Variants in RASA1 observed in about 807,000 individuals in gnomAD.
The protein encoded by RASA1 is ras GTPase-activating protein 1.
A neutral mutation model predicts 132.2 loss-of-function variants in RASA1; 25 were observed. The observed-to-expected ratio is 0.19, with a 90% CI of 0.14 to 0.26. The LOEUF (loss-of-function observed/expected upper bound fraction) is 0.26, where lower values mean the gene tolerates loss of function less well. RASA1 is among the 10% of genes least tolerant of loss of function. The probability of loss-of-function intolerance (pLI) is 1.00; values close to 1 mark genes in which losing one functional copy is unlikely to be tolerated. For missense variants in RASA1, 964 were observed against 1,299.2 expected (o/e 0.74, Z 3.97); for synonymous variants, 477 against 449.9 (o/e 1.06, Z -0.76).
Position 87,376,381 on chromosome 5 carries a change from T to C in RASA1, c.2012-12T>C. On this transcript the variant is annotated splice_polypyrimidine_tract_variant and intron_variant, in intron 15 of 24. Transcript: ENST00000274376. ...TCTTTTTAAACAATAATTGCTTGTT[T>C]TTCTTCCCAAGTATTTATGCGCTGC... The C allele has an allele frequency of 6.2e-7, 1 of 1,613,760 alleles. No homozygotes were observed. The highest frequency in any genetic ancestry group is 8.5e-7 in the Non-Finnish European group (1 of 1,179,868).
intron 22 of RASA1, 47 bp from the exon 23 acceptor site, chr5:87,386,779 C>T (rs1762091068): frequency 6.6e-7 from 1 of 1,516,730 alleles, no homozygotes; most frequent in South Asian, 1.1e-5. Context: ...ATAGATCAAA[C>T]AGTGGTTTGT....
At chr5:87,269,070 G>A (rs1473067211) in intron 1 of RASA1, 80 bp downstream of exon 1, 1 of 1,613,902 alleles carries the variant, frequency 6.2e-7, no homozygotes, top group Admixed American at 1.7e-5. Flanking sequence ...ATCATACTTT[G>A]TCCTTTTCAT....
rs139295619 is a variant in RASA1, at chr5:87,269,778, C to G, written c.539+788C>G. On this transcript the variant is annotated intron_variant, in intron 1 of 24. Coordinates refer to ENST00000274376, the MANE Select transcript of RASA1 (RefSeq NM_002890.3). The stretch of plus-strand genomic sequence containing the variant: ...TAAGTTTTACAGTCTGTAAAATATA[C>G]AGGACAATGACTTTTTTAAAATGTA... Among the ~76,000 whole-genome samples the G allele has an allele frequency of 2.6e-5, 4 of 152,206 alleles. No individual in the cohort carries two copies. In the East Asian group the frequency reaches 7.7e-4, roughly 29 times the overall value.
intron 19 of RASA1, 71 bp downstream of exon 19, chr5:87,379,921 G>C: frequency 6.9e-7 from 1 of 1,457,116 alleles, no homozygotes. Flanking sequence ...TTTCTAAAAC[G>C]TGAAAGCTTT....
intron 1 of RASA1, among the ~76,000 whole-genome samples, chr5:87,287,762 G>A (rs865992134): frequency 4.7e-5 from 4 of 84,288 alleles, no homozygotes; most frequent in East Asian, 3.1e-4. Context: ...TTATGTACAC[G>A]CCATAGATAT....
At chr5:87,375,047 T>TCTAA (rs1761228457) in intron 15 of RASA1, 131 bp downstream of exon 15, 2 of 1,221,980 alleles carry the variant, frequency 1.6e-6, no homozygotes, top group African/African-American at 3.1e-5. Context: ...ATAGTTTCTT[T>TCTAA]CTGTACTTCT....
intron 8 of RASA1, among the ~76,000 whole-genome samples, chr5:87,351,176 G>A (rs1359593369): frequency 6.7e-6 from 1 of 149,670 alleles, no homozygotes; most frequent in Non-Finnish European, 1.5e-5. Context: ...TATATTCAGA[G>A]TTTTAAAAAA....
chr5:87,328,086 A>G (rs1432277223), intron 1 of RASA1, among the ~76,000 whole-genome samples: 1 of 152,154 alleles, frequency 6.6e-6, no homozygotes, highest in Non-Finnish European at 1.5e-5. Context: ...ATTTTTCAAC[A>G]TTGTTTTATG....
intron 1 of RASA1, among the ~76,000 whole-genome samples, chr5:87,289,633 C>T (rs1754826460): frequency 1.3e-5 from 2 of 152,036 alleles, no homozygotes; most frequent in Non-Finnish European, 2.9e-5. Flanking sequence ...TTTTTTCAGA[C>T]AAGGTCTTGC....
At chr5:87,287,128 AC>A (rs1158462538) in intron 1 of RASA1, among the ~76,000 whole-genome samples, 1 of 145,414 alleles carries the variant, frequency 6.9e-6, no homozygotes, top group Admixed American at 6.9e-5. Flanking sequence ...ATATATACAC[AC>A]CATATATATA....
chr5:87,374,132 AATAT>A (rs145638178), intron 13 of RASA1, 27 bp from the exon 14 acceptor site: 64 of 1,210,350 alleles, frequency 5.3e-5, no homozygotes, highest in East Asian at 2.7e-4. Flanking sequence ...AATCTGGGGT[AATAT>A]ATATATATAT....
At chr5:87,364,261 CTTCT>C (rs1425835399) in intron 11 of RASA1, among the ~76,000 whole-genome samples, 4 of 152,210 alleles carry the variant, frequency 2.6e-5, no homozygotes, top group Admixed American at 6.5e-5. Context: ...AAATATTTCT[CTTCT>C]TTAAGAGAAA....
intron 7 of RASA1, among the ~76,000 whole-genome samples, chr5:87,348,243 A>G (rs1759004009): frequency 6.6e-6 from 1 of 152,064 alleles, no homozygotes; most frequent in African/African-American, 2.4e-5. Context: ...TTTACTGAAC[A>G]TGAAGTTACT....
chr5:87,365,122 T>C (rs982845163), intron 11 of RASA1, among the ~76,000 whole-genome samples: 36 of 152,186 alleles, frequency 2.4e-4, no homozygotes, highest in African/African-American at 8.7e-4. Flanking sequence ...TCTTGGAGGA[T>C]GGGTATGAAT....
In RASA1 at chr5:87,268,927, T is replaced by C; in HGVS notation, c.476T>C (p.Leu159Pro). The change falls in exon 1 of 25, where the codon CTG (leucine) becomes CCG (proline). Residue 159 changes from leucine to proline, a missense_variant. Leu to Pro is a moderately conservative substitution (Grantham distance 98). This residue lies in a region of RASA1 where 326 missense variants were observed against 275.8 expected (regional missense o/e 1.18). Transcript: ENST00000274376. ...GLGTVDEGDS[L>P]DGPEYEEEEV... is the part of the protein sequence containing the mutation. ...GGGACAGTGGACGAAGGTGACTCTC[T>C]GGATGGACCAGAATACGAGGAGGAA... 6.2e-7 allele frequency: 1 copy of C among 1,614,188 alleles called. No individual in the cohort carries two copies.
At chr5:87,327,323 A>G (rs1245337387) in intron 1 of RASA1, among the ~76,000 whole-genome samples, 1 of 152,204 alleles carries the variant, frequency 6.6e-6, no homozygotes, top group South Asian at 2.1e-4. Flanking sequence ...CCGTTCTACT[A>G]TAAAGCCTAT....
intron 6 of RASA1, 71 bp from the exon 7 acceptor site, chr5:87,346,601 T>G (rs1561298527): frequency 3.3e-6 from 3 of 905,534 alleles, no homozygotes; most frequent in East Asian, 2.6e-5. Context: ...CTATATTGGT[T>G]GTTTAATTTT....
At chr5:87,349,173 A>G in intron 7 of RASA1, 41 bp from the exon 8 acceptor site, 6 of 1,602,042 alleles carry the variant, frequency 3.7e-6, no homozygotes, top group South Asian at 2.2e-5. Context: ...TTTCTTTTTT[A>G]TTTGATAATT....
intron 1 of RASA1, among the ~76,000 whole-genome samples, chr5:87,286,939 T>A (rs186876247): frequency 6.7e-6 from 1 of 148,792 alleles, no homozygotes; most frequent in Non-Finnish European, 1.5e-5. Context: ...ACCATATATA[T>A]ACACCATATA....
Sources: gnomAD v4.1 joint callset for allele counts (sites outside exome capture counted in the v4.1 genomes callset) on GRCh38, gnomAD v4.1.1 for gene constraint, gnomAD v4.1.1 regional missense constraint, MANE v1.5 for transcripts, NCBI Gene and HGNC (gene_info 2026-07-23, HGNC 2026-07-21) for gene names.